LRRC4C: variants seen among roughly 807,000 people sequenced by gnomAD.
LRRC4C encodes leucine rich repeat containing 4C.
In LRRC4C, 5 loss-of-function variants were observed where a neutral mutation model predicts 33.6. The observed-to-expected ratio is 0.15, with a 90% CI of 0.08 to 0.31. The LOEUF is 0.31. LRRC4C is among the 10% of genes least tolerant of loss of function. The probability of loss-of-function intolerance (pLI) is 1.00; values close to 1 mark genes in which losing one functional copy is unlikely to be tolerated. For synonymous variants in LRRC4C, 329 were observed against 302.0 expected (o/e 1.09, Z -0.93); for missense variants, 560 against 796.7 (o/e 0.70, Z 3.58).
intron 6 of LRRC4C, among the ~76,000 whole-genome samples, chr11:40,126,144 T>C (rs769883598): frequency 6.6e-6 from 1 of 150,788 alleles, no homozygotes; most frequent in Non-Finnish European, 1.5e-5. Context: ...AATGCTAAAA[T>C]TTCAGAAGTT....
chr11:41,281,696 G>C (rs549097084), intron 1 of LRRC4C, among the ~76,000 whole-genome samples: 1 of 152,262 alleles, frequency 6.6e-6, no homozygotes, highest in East Asian at 1.9e-4. Context: ...TACAATCGGG[G>C]AACTGATAGT....
intron 1 of LRRC4C, among the ~76,000 whole-genome samples, chr11:40,938,559 T>C (rs754078102): frequency 2.6e-5 from 4 of 152,184 alleles, no homozygotes; most frequent in Non-Finnish European, 5.9e-5. Context: ...TATTTGAAAA[T>C]GTCATTCATT....
chr11:41,092,231 A>G (rs1414727076), intron 1 of LRRC4C, among the ~76,000 whole-genome samples: 1 of 151,918 alleles, frequency 6.6e-6, no homozygotes, highest in Admixed American at 6.6e-5. Context: ...ATCTAATCTC[A>G]CTCACTGTTC....
chr11:40,807,072 T>C (rs1485523125), intron 2 of LRRC4C, among the ~76,000 whole-genome samples: 2 of 152,188 alleles, frequency 1.3e-5, no homozygotes, highest in African/African-American at 4.8e-5. Context: ...TTCATCCCTT[T>C]AAGAAAACTG....
intron 2 of LRRC4C, among the ~76,000 whole-genome samples, chr11:40,710,026 T>G (rs1358584667): frequency 6.6e-6 from 1 of 152,154 alleles, no homozygotes; most frequent in South Asian, 2.1e-4. Flanking sequence ...CATGCCATGG[T>G]TTTCAGCTCC....
intron 3 of LRRC4C, among the ~76,000 whole-genome samples, chr11:40,565,758 T>C (rs971090989): frequency 6.6e-6 from 1 of 152,088 alleles, no homozygotes; most frequent in Non-Finnish European, 1.5e-5. Context: ...CAAACAGGTA[T>C]ACCACCTAAA....
intron 3 of LRRC4C, among the ~76,000 whole-genome samples, chr11:40,349,402 A>AT (rs34867723): frequency 0.3 from 43,973 of 148,852 alleles, 6,693 homozygotes; most frequent in East Asian, 0.5. Context: ...ACAGAATCTC[A>AT]TTTTTTTTTT....
chr11:40,707,179 T>A (rs1285715979), intron 2 of LRRC4C, among the ~76,000 whole-genome samples: 1 of 152,168 alleles, frequency 6.6e-6, no homozygotes, highest in Non-Finnish European at 1.5e-5. Context: ...GACTTCCTCT[T>A]TTCCTAATTG....
At chr11:40,542,860 T>A (rs900130543) in intron 3 of LRRC4C, among the ~76,000 whole-genome samples, 2 of 152,118 alleles carry the variant, frequency 1.3e-5, no homozygotes, top group African/African-American at 4.8e-5. Context: ...ATTGACTGTT[T>A]TTGCTTTTGT....
chr11:41,408,327 C>A (rs148047157), intron 1 of LRRC4C, among the ~76,000 whole-genome samples: 1 of 152,186 alleles, frequency 6.6e-6, no homozygotes, highest in Non-Finnish European at 1.5e-5. Flanking sequence ...AATTGTTTAT[C>A]CACTTAAAAC....
At chr11:40,650,263 G>A (rs571559069) in intron 2 of LRRC4C, among the ~76,000 whole-genome samples, 2 of 152,254 alleles carry the variant, frequency 1.3e-5, no homozygotes, top group African/African-American at 4.8e-5. Context: ...CTCATGTTAA[G>A]TGTCATGAAG....
chr11:40,629,988 A>C (rs1262681105), intron 3 of LRRC4C, among the ~76,000 whole-genome samples: 2 of 152,140 alleles, frequency 1.3e-5, no homozygotes, highest in African/African-American at 4.8e-5. Flanking sequence ...AAAATCTCTA[A>C]TATCATAAAT....
intron 2 of LRRC4C, among the ~76,000 whole-genome samples, chr11:40,759,762 A>T (rs1949113761): frequency 6.6e-6 from 1 of 152,026 alleles, no homozygotes; most frequent in South Asian, 2.1e-4. Context: ...TCATGTTGAT[A>T]TAATCTTTAT....
intron 3 of LRRC4C, among the ~76,000 whole-genome samples, chr11:40,500,486 G>C (rs4755550): frequency 0.57 from 86,022 of 151,432 alleles, 24,806 homozygotes; most frequent in East Asian, 0.81. Context: ...GTTTAATGGT[G>C]TCACAGTTCC....
At chr11:41,058,988 A>C (rs1201728266) in intron 1 of LRRC4C, among the ~76,000 whole-genome samples, 1 of 152,176 alleles carries the variant, frequency 6.6e-6, no homozygotes, top group Middle Eastern at 3.2e-3. Flanking sequence ...CTCACTTATA[A>C]GTAGAAGCTA....
chr11:40,180,094 A>G (rs1860860683), intron 5 of LRRC4C, among the ~76,000 whole-genome samples: 1 of 152,264 alleles, frequency 6.6e-6, no homozygotes, highest in South Asian at 2.1e-4. Context: ...CTGAAATAAA[A>G]CTACTACAGA....
chr11:40,995,369 T>C (rs575114127), intron 1 of LRRC4C, among the ~76,000 whole-genome samples: 1 of 152,148 alleles, frequency 6.6e-6, no homozygotes, highest in Admixed American at 6.6e-5. Flanking sequence ...AATGATGCAT[T>C]ATGAACAACT....
At chr11:41,096,544 C>T (rs984915097) in intron 1 of LRRC4C, among the ~76,000 whole-genome samples, 2 of 152,146 alleles carry the variant, frequency 1.3e-5, no homozygotes, top group Admixed American at 6.6e-5. Flanking sequence ...TCATTCATCT[C>T]ATTGGCAGCA....
At chr11:40,227,788 A>C (rs1864916491) in intron 5 of LRRC4C, among the ~76,000 whole-genome samples, 1 of 152,232 alleles carries the variant, frequency 6.6e-6, no homozygotes, top group Admixed American at 6.5e-5. Flanking sequence ...TGGTTCTTTG[A>C]AAATGAAGGA....
Sources: gnomAD v4.1 joint callset for allele counts (sites outside exome capture counted in the v4.1 genomes callset) on GRCh38, gnomAD v4.1.1 for gene constraint, MANE v1.5 for transcripts, NCBI Gene and HGNC (gene_info 2026-07-23, HGNC 2026-07-21) for gene names.